Variants in RHOJ observed in about 807,000 individuals in gnomAD.
RHOJ encodes rho-related GTP-binding protein RhoJ.
RHOJ carries 11 observed loss-of-function variants against 23.4 expected under a neutral mutation model. That is an observed-to-expected ratio of 0.47 (90% CI 0.30 to 0.78). The LOEUF (loss-of-function observed/expected upper bound fraction) is 0.78, where lower values mean the gene tolerates loss of function less well. RHOJ is among the 30% of genes least tolerant of loss of function. The probability of loss-of-function intolerance (pLI) is 0.08; values close to 1 mark genes in which losing one functional copy is unlikely to be tolerated. For synonymous variants in RHOJ, 102 were observed against 102.7 expected (o/e 0.99, Z 0.04); for missense variants, 254 against 273.4 (o/e 0.93, Z 0.50).
chr14:63,231,602 G>T (rs1032741065), intron 1 of RHOJ, among the ~76,000 whole-genome samples: 2 of 152,130 alleles, frequency 1.3e-5, no homozygotes, highest in South Asian at 2.1e-4. Context: ...CACTCAGCTC[G>T]GTATTGCAGT....
intron 1 of RHOJ, among the ~76,000 whole-genome samples, chr14:63,228,423 A>G (rs1200439413): frequency 6.6e-6 from 1 of 152,214 alleles, no homozygotes; most frequent in Non-Finnish European, 1.5e-5. Context: ...TTGTAATAGC[A>G]AACAACTGGA....
chr14:63,244,055 AC>A (rs1403853271), intron 1 of RHOJ, among the ~76,000 whole-genome samples: 1 of 152,228 alleles, frequency 6.6e-6, no homozygotes, highest in African/African-American at 2.4e-5. Flanking sequence ...CATTTCTGAA[AC>A]AGATGATTCT....
intron 1 of RHOJ, among the ~76,000 whole-genome samples, chr14:63,228,849 T>G (rs1297158074): frequency 6.6e-6 from 1 of 152,226 alleles, no homozygotes; most frequent in African/African-American, 2.4e-5. Context: ...AATTAAGTAA[T>G]TTTTGAAGGA....
intron 1 of RHOJ, among the ~76,000 whole-genome samples, chr14:63,226,849 C>T (rs963892929): frequency 1.3e-5 from 2 of 151,996 alleles, no homozygotes; most frequent in Admixed American, 6.5e-5. Flanking sequence ...GATCAGGTCA[C>T]GTAATGAGAT....
At chr14:63,264,649 A>G (rs1040207831) in intron 1 of RHOJ, among the ~76,000 whole-genome samples, 4 of 152,232 alleles carry the variant, frequency 2.6e-5, no homozygotes, top group African/African-American at 9.6e-5. Context: ...AATAGTGTAT[A>G]AGGTTTCCCT....
At chr14:63,220,450 T>TAA (rs200905763) in intron 1 of RHOJ, among the ~76,000 whole-genome samples, 33 of 136,810 alleles carry the variant, frequency 2.4e-4, no homozygotes, top group East Asian at 1.7e-3. Flanking sequence ...ACTTAAAAGT[T>TAA]AAAAAAAAAA....
intron 2 of RHOJ, among the ~76,000 whole-genome samples, chr14:63,269,663 G>A (rs1238284642): frequency 6.6e-6 from 1 of 152,126 alleles, no homozygotes; most frequent in African/African-American, 2.4e-5. Context: ...GAAAAGCCAG[G>A]ATCCTAGATG....
intron 1 of RHOJ, among the ~76,000 whole-genome samples, chr14:63,252,952 T>C (rs1363305479): frequency 6.6e-6 from 1 of 152,200 alleles, no homozygotes; most frequent in Non-Finnish European, 1.5e-5. Flanking sequence ...GATGAGATCA[T>C]TTCTAACAGA....
intron 1 of RHOJ, among the ~76,000 whole-genome samples, chr14:63,220,477 C>T (rs1039760704): frequency 1.3e-5 from 2 of 151,036 alleles, no homozygotes; most frequent in Non-Finnish European, 2.9e-5. Flanking sequence ...TAGTTGGTTA[C>T]GTTAAATAGA....
At chr14:63,276,730 C>T (rs1566628540) in intron 2 of RHOJ, among the ~76,000 whole-genome samples, 1 of 152,196 alleles carries the variant, frequency 6.6e-6, no homozygotes, top group Non-Finnish European at 1.5e-5. Context: ...CCTGCCCCAC[C>T]TACAGTCAAC....
intron 1 of RHOJ, among the ~76,000 whole-genome samples, chr14:63,218,716 G>GA (rs1023046902): frequency 3.3e-5 from 5 of 152,152 alleles, no homozygotes; most frequent in African/African-American, 1.2e-4. Context: ...GGGTAATCTA[G>GA]AACTCAGCAG....
In RHOJ at chr14:63,262,099, A is replaced by G. The variant is rs112690598; in HGVS notation, c.179-7011A>G. ...CTATAACTGACCTGACATTTCCAAC[A>G]TTTCTCTTGAAAGCCATCTTATAGT... is the stretch of plus-strand genomic sequence containing the variant. On this transcript the variant is annotated intron_variant, in intron 1 of 4. Coordinates refer to ENST00000316754, the MANE Select transcript of RHOJ (RefSeq NM_020663.5). Among the ~76,000 whole-genome samples the G allele has an allele frequency of 8.9e-4, 136 of 152,230 alleles. 1 individual carries two copies. Among genetic ancestry groups the G allele is most frequent in the African/African-American group, 3.1e-3 (130 of 41,540 alleles).
intron 2 of RHOJ, among the ~76,000 whole-genome samples, chr14:63,273,100 C>G (rs917158803): frequency 1.3e-5 from 2 of 152,212 alleles, no homozygotes; most frequent in Non-Finnish European, 2.9e-5. Context: ...AACATTAGCT[C>G]CCTTCCCCAA....
chr14:63,258,069 A>G (rs1024794420), intron 1 of RHOJ, among the ~76,000 whole-genome samples: 4 of 149,508 alleles, frequency 2.7e-5, no homozygotes, highest in Non-Finnish European at 5.9e-5. Context: ...TCTACTAAAA[A>G]TACCAAAAAT....
chr14:63,248,101 G>A (rs1895008111), intron 1 of RHOJ, among the ~76,000 whole-genome samples: 1 of 152,142 alleles, frequency 6.6e-6, no homozygotes, highest in South Asian at 2.1e-4. Flanking sequence ...AGATTTGGGT[G>A]GGGACACGGC....
chr14:63,264,536 A>G (rs961837831), intron 1 of RHOJ, among the ~76,000 whole-genome samples: 2 of 152,240 alleles, frequency 1.3e-5, no homozygotes, highest in Non-Finnish European at 2.9e-5. Context: ...TTTTTTGGAT[A>G]TATACCCAGT....
chr14:63,246,851 T>C (rs1019980171), intron 1 of RHOJ, among the ~76,000 whole-genome samples: 3 of 152,196 alleles, frequency 2.0e-5, no homozygotes, highest in African/African-American at 7.2e-5. Flanking sequence ...CAGCTAAATA[T>C]ATTCCAGGTT....
At chr14:63,222,477 C>A (rs1162767654) in intron 1 of RHOJ, among the ~76,000 whole-genome samples, 1 of 152,170 alleles carries the variant, frequency 6.6e-6, no homozygotes, top group African/African-American at 2.4e-5. Flanking sequence ...CACATCCTCT[C>A]CAGCACCTGT....
At chr14:63,276,455 T>C (rs1881721472) in intron 2 of RHOJ, among the ~76,000 whole-genome samples, 1 of 152,200 alleles carries the variant, frequency 6.6e-6, no homozygotes, top group South Asian at 2.1e-4. Context: ...TCCACATAAA[T>C]CGAATAATTT....
Sources: gnomAD v4.1 joint callset for allele counts (sites outside exome capture counted in the v4.1 genomes callset) on GRCh38, gnomAD v4.1.1 for gene constraint, MANE v1.5 for transcripts, NCBI Gene and HGNC (gene_info 2026-07-23, HGNC 2026-07-21) for gene names.